The following IFI16 variants were observed in gnomAD, a reference collection of about 807,000 sequenced individuals.
IFI16 encodes the protein interferon gamma inducible protein 16.
IFI16 carries 49 observed loss-of-function variants against 68.4 expected under a neutral mutation model. The observed-to-expected ratio is 0.72, with a 90% CI of 0.57 to 0.91. The LOEUF (loss-of-function observed/expected upper bound fraction) is 0.91. Among genes scored for constraint, IFI16 ranks in the 40% least tolerant of loss-of-function variants. IFI16 has a pLI of 0.00. For missense variants in IFI16, 878 were observed against 942.9 expected, an observed-to-expected ratio of 0.93 and a Z score of 0.90; for synonymous variants, 307 against 315.0, an observed-to-expected ratio of 0.97 and a Z score of 0.27.
chr1:159,044,769 T>C (rs2999939), intron 7 of IFI16, among the ~76,000 whole-genome samples: 2 of 152,166 alleles, frequency 1.3e-5, no homozygotes, highest in East Asian at 1.9e-4. Flanking sequence ...GCCTGATCCA[T>C]ACTGTAGTGA....
intron 7 of IFI16, among the ~76,000 whole-genome samples, chr1:159,040,857 A>C (rs747632795): frequency 6.6e-6 from 1 of 152,254 alleles, no homozygotes; most frequent in South Asian, 2.1e-4. Context: ...ATATGAGAAC[A>C]CTAGCGTTCA....
intron 7 of IFI16, among the ~76,000 whole-genome samples, chr1:159,033,228 A>C (rs889912878): frequency 1.9e-4 from 29 of 152,194 alleles, no homozygotes; most frequent in African/African-American, 7.0e-4. Flanking sequence ...GATACAAGAT[A>C]CTGGAACTGA....
intron 7 of IFI16, among the ~76,000 whole-genome samples, chr1:159,039,871 C>G (rs72709533): frequency 0.037 from 5,607 of 152,300 alleles, 116 homozygotes; most frequent in Non-Finnish European, 0.046. Context: ...AGCCAAATCA[C>G]TAGCTTACTA....
Position 159,016,714 on chromosome 1 carries a change from G to C in IFI16, c.549+14G>C. On this transcript the variant is annotated intron_variant, in intron 4 of 11. Transcript: ENST00000295809. ...TCTTCAACTGAGGTACACTCTTCCT[G>C]GTCCCATTTTGCTTTGTTTTTTTCA... is the stretch of plus-strand genomic sequence containing the variant. 2 of 1,598,858 alleles carry C rather than the reference G, an allele frequency of 1.3e-6. No individual in the cohort carries two copies. Among genetic ancestry groups the C allele is most frequent in the Non-Finnish European group, 1.7e-6 (2 of 1,172,922 alleles).
At chr1:159,037,392 A>G (rs1654392882) in intron 7 of IFI16, among the ~76,000 whole-genome samples, 1 of 152,194 alleles carries the variant, frequency 6.6e-6, no homozygotes, top group Admixed American at 6.5e-5. Flanking sequence ...TGAGCAGGAA[A>G]GCCTTGTCCT....
chr1:159,014,531 C>T (rs150530971), intron 1 of IFI16, 130 bp from the exon 2 acceptor site: 35 of 544,830 alleles, frequency 6.4e-5, no homozygotes, highest in Non-Finnish European at 8.8e-5. Context: ...CACATTTGGT[C>T]GTTGAGTCCT....
In IFI16 at chr1:159,054,966, T is replaced by C. The variant is rs1035933233; in HGVS notation, c.*65T>C. On this transcript the variant is annotated 3_prime_UTR_variant, in exon 12 of 12. Transcript: ENST00000295809. ...GTCTAAGTGCCTAAAAAAATGTACA[T>C]ATACCTGGTTGAAATACAACACTAT... 30 of 835,488 alleles carry C rather than the reference T, an allele frequency of 3.6e-5. No homozygotes were observed. The African/African-American group carries it at 4.5e-4, about 13-fold the overall frequency. The allele number at this position is 835,488 out of a possible 1,614,324, so 51.8% of individuals were successfully genotyped here. A position where few individuals can be genotyped will look rare whatever the true frequency, so the allele number is the denominator to read the frequency against.
chr1:159,010,401 G>T (rs1184335783), intron 1 of IFI16, among the ~76,000 whole-genome samples: 1 of 152,152 alleles, frequency 6.6e-6, no homozygotes, highest in Admixed American at 6.5e-5. Flanking sequence ...CATTTTGACC[G>T]TTGCAGATTT....
intron 7 of IFI16, among the ~76,000 whole-genome samples, chr1:159,034,931 T>C (rs1654231422): frequency 6.6e-6 from 1 of 152,196 alleles, no homozygotes; most frequent in Admixed American, 6.5e-5. Context: ...TACCTTTTGC[T>C]CAGCAGTGAT....
At chr1:159,017,131 G>A (rs189864078) in intron 4 of IFI16, among the ~76,000 whole-genome samples, 3 of 152,336 alleles carry the variant, frequency 2.0e-5, no homozygotes, top group African/African-American at 4.8e-5. Flanking sequence ...TTCTATCGCA[G>A]TTTAAGGAGA....
At chr1:159,038,783 G>T (rs534119190) in intron 7 of IFI16, among the ~76,000 whole-genome samples, 65 of 152,284 alleles carry the variant, frequency 4.3e-4, no homozygotes, top group Admixed American at 1.6e-3. Context: ...GAATGCCCTA[G>T]TGCAATTTGG....
At chr1:159,013,342 G>T (rs1356773876) in intron 1 of IFI16, among the ~76,000 whole-genome samples, 2 of 151,328 alleles carry the variant, frequency 1.3e-5, no homozygotes, top group African/African-American at 2.4e-5. Context: ...CTAATTTTTG[G>T]TATTTTTAGT....
upstream of IFI16, among the ~76,000 whole-genome samples, chr1:159,003,366 C>T (rs1652129003): frequency 6.6e-6 from 1 of 152,176 alleles, no homozygotes; most frequent in South Asian, 2.1e-4. Flanking sequence ...CTGGCTATGT[C>T]ATAATATTCT....
intron 8 of IFI16, among the ~76,000 whole-genome samples, chr1:159,046,192 T>C (rs1184006029): frequency 1.3e-5 from 2 of 151,196 alleles, no homozygotes; most frequent in Admixed American, 6.6e-5. Flanking sequence ...ACAATGAACA[T>C]AGTAAGAACA....
At chr1:159,020,592 CA>C in intron 6 of IFI16, 63 bp downstream of exon 6, 1 of 1,281,274 alleles carries the variant, frequency 7.8e-7, no homozygotes, top group Non-Finnish European at 1.1e-6. Flanking sequence ...TAAGTTTTGG[CA>C]AAAACAAGTT....
intron 7 of IFI16, among the ~76,000 whole-genome samples, chr1:159,042,675 A>G (rs1654729404): frequency 6.6e-6 from 1 of 152,162 alleles, no homozygotes; most frequent in East Asian, 1.9e-4. Flanking sequence ...GTACCTTTCT[A>G]TTTCTTTAGA....
upstream of IFI16, chr1:159,005,897 A>G (rs1387913950): frequency 2.0e-5 from 3 of 152,518 alleles, no homozygotes; most frequent in African/African-American, 7.2e-5. Flanking sequence ...GGCCTAAGGC[A>G]CTATCGGTAT....
In IFI16 at chr1:159,051,777, A is replaced by T; in HGVS notation, c.1764A>T (p.Ser588=). ...KEVMVLNATE[S]FVYEPKEQKK... is the part of the protein sequence containing the mutation. ...TGATGGTGCTGAACGCAACAGAATCATTTGTATATGAGCCCAAAGAGCAGA... is the reference window on the plus strand; with the variant it reads ...TGATGGTGCTGAACGCAACAGAATCTTTTGTATATGAGCCCAAAGAGCAGA... The change falls in exon 10 of 12, where the codon TCA becomes TCT. Residue 588 remains serine (S), a synonymous_variant. Transcript: ENST00000295809. The T allele has an allele frequency of 1.2e-6, 2 of 1,614,136 alleles. No homozygotes were observed. Among genetic ancestry groups the T allele is most frequent in the Non-Finnish European group, 1.7e-6 (2 of 1,179,948 alleles).
rs1321927268 is a variant in IFI16, at chr1:159,051,962, T to C, written c.1949T>C (p.Val650Ala). Reference sequence around the variant, plus strand: ...CTGGAGGTATATCCTTTCACACTTGTGGCTGATGTGAATGCTGACCGAAAC... The same window carrying C: ...CTGGAGGTATATCCTTTCACACTTGCGGCTGATGTGAATGCTGACCGAAAC... ...GFLEVYPFTL[V>A]ADVNADRNME... The change falls in exon 10 of 12, where the codon GTG becomes GCG. Residue 650 changes from valine (V) to alanine (A), a missense_variant. By Grantham distance (64) the Val-to-Ala change is moderately conservative. Transcript: ENST00000295809. 2.5e-6 allele frequency: 4 copies of C among 1,614,140 alleles called. No homozygotes were observed. Among genetic ancestry groups the C allele is most frequent in the Non-Finnish European group, 2.5e-6 (3 of 1,179,970 alleles).
Sources: gnomAD v4.1 joint callset for allele counts (sites outside exome capture counted in the v4.1 genomes callset) on GRCh38, gnomAD v4.1.1 for gene constraint, MANE v1.5 for transcripts, NCBI Gene and HGNC (gene_info 2026-07-23, HGNC 2026-07-21) for gene names.